SMARCAL1: variants seen among roughly 807,000 people sequenced by gnomAD.
SMARCAL1 encodes the protein SNF2 related chromatin remodeling annealing helicase 1, also known as ATP-driven annealing helicase.
Under a neutral mutation model 94.5 loss-of-function variants are expected in SMARCAL1, and 58 were observed. The observed-to-expected ratio is 0.61, with a 90% CI of 0.50 to 0.76. The LOEUF (loss-of-function observed/expected upper bound fraction) is 0.76. Among genes scored for constraint, SMARCAL1 ranks in the 30% least tolerant of loss-of-function variants. The pLI, the probability that SMARCAL1 is intolerant of heterozygous loss-of-function variation, is 0.00. For missense variants in SMARCAL1, 1,051 were observed against 1,177.9 expected, an observed-to-expected ratio of 0.89 and a Z score of 1.58; for synonymous variants, 422 against 455.1, an observed-to-expected ratio of 0.93 and a Z score of 0.93.
intron 14 of SMARCAL1, 26 bp downstream of exon 14, chr2:216,468,072 G>A: frequency 6.6e-7 from 1 of 1,525,662 alleles, no homozygotes; most frequent in East Asian, 2.3e-5. Flanking sequence ...AATTCACCAT[G>A]GGCTACTTTT....
intron 14 of SMARCAL1, among the ~76,000 whole-genome samples, chr2:216,469,080 A>G (rs1694899817): frequency 6.6e-6 from 1 of 151,948 alleles, no homozygotes; most frequent in African/African-American, 2.4e-5. Flanking sequence ...TTCCCCTTCC[A>G]TCTCTCCAGC....
chr2:216,448,279 C>G (rs1330255521), intron 11 of SMARCAL1, among the ~76,000 whole-genome samples: 1 of 152,154 alleles, frequency 6.6e-6, no homozygotes, highest in Admixed American at 6.5e-5. Context: ...TTTTCATGGT[C>G]CCTCAAAACT....
At chr2:216,427,747 G>T (rs1693867072) in intron 6 of SMARCAL1, among the ~76,000 whole-genome samples, 1 of 152,210 alleles carries the variant, frequency 6.6e-6, no homozygotes, top group Non-Finnish European at 1.5e-5. Flanking sequence ...GGAGGTAGCA[G>T]TAGATGGCTC....
At chr2:216,416,378 T>G (rs1003215783) in intron 4 of SMARCAL1, 71 bp downstream of exon 4, 13 of 1,327,014 alleles carry the variant, frequency 9.8e-6, no homozygotes, top group Non-Finnish European at 1.4e-5. Flanking sequence ...TCACATGTAG[T>G]CCAGCTTATG....
chr2:216,475,532 A>G lies in SMARCAL1; in HGVS notation c.2427+81A>G. 1 of 1,451,110 alleles carries G rather than the reference A, an allele frequency of 6.9e-7. No individual in the cohort carries two copies. The highest frequency in any genetic ancestry group is 9.7e-7 in the Non-Finnish European group (1 of 1,032,312). The allele number at this position is 1,451,110 out of a possible 1,614,324, so 89.9% of individuals were successfully genotyped here. On this transcript the variant is annotated intron_variant, in intron 15 of 17. Transcript: ENST00000357276. The surrounding 1 kb of genome is among the most constrained non-coding windows in gnomAD (Gnocchi z 4.4). Reference sequence around the variant, plus strand: ...GAAGCAGTGAGTGTCGGTCGGGGAAAGTGTGGTTTCCCTTTTATCCATTCA... The same window carrying G: ...GAAGCAGTGAGTGTCGGTCGGGGAAGGTGTGGTTTCCCTTTTATCCATTCA...
chr2:216,446,651 A>G, intron 10 of SMARCAL1: 1 of 467,554 alleles, frequency 2.1e-6, no homozygotes, highest in Non-Finnish European at 4.3e-6. Context: ...TTCCTTGTGA[A>G]TTTTTTGCAG....
Position 216,414,733 on chromosome 2 carries a change from G to C in SMARCAL1, c.29G>C (p.Arg10Thr), listed in dbSNP as rs775840273. MSLPLTEEQ[R>T]KKIEENRQKA... ...TCCTTGCCTCTTACAGAGGAGCAGA[G>C]GAAAAAGATTGAAGAGAATCGACAA... Residue 10 changes from arginine (R) to threonine (T), a missense_variant, in exon 3 of 18, where the codon AGG (arginine) becomes ACG (threonine). Transcript: ENST00000357276. 1.9e-6 allele frequency: 3 copies of C among 1,614,230 alleles called. No homozygotes were observed. The highest frequency in any genetic ancestry group is 2.5e-6 in the Non-Finnish European group (3 of 1,180,050).
At chr2:216,444,070 T>C (rs1198470564) in intron 10 of SMARCAL1, among the ~76,000 whole-genome samples, 1 of 152,230 alleles carries the variant, frequency 6.6e-6, no homozygotes, top group East Asian at 1.9e-4. Context: ...ACTATCCTTA[T>C]TTCTGAAGAT....
intron 17 of SMARCAL1, among the ~76,000 whole-genome samples, chr2:216,479,934 C>T (rs1695161891): frequency 6.6e-6 from 1 of 152,110 alleles, no homozygotes; most frequent in Non-Finnish European, 1.5e-5. Context: ...TGCCTGTATT[C>T]CCAGCTACTC....
At chr2:216,467,330 G>T (rs1234552999) in intron 13 of SMARCAL1, among the ~76,000 whole-genome samples, 1 of 151,850 alleles carries the variant, frequency 6.6e-6, no homozygotes, top group African/African-American at 2.4e-5. Flanking sequence ...AATTAGCTGG[G>T]CGTTGTGGTA....
intron 13 of SMARCAL1, among the ~76,000 whole-genome samples, chr2:216,467,462 C>T (rs1401861840): frequency 8.0e-6 from 1 of 124,580 alleles, no homozygotes; most frequent in Non-Finnish European, 1.6e-5. Flanking sequence ...CAGAGCGAAA[C>T]TCAGTCTCAA....
At chr2:216,451,144 T>G in intron 12 of SMARCAL1, 80 bp downstream of exon 12, 1 of 1,136,070 alleles carries the variant, frequency 8.8e-7, no homozygotes, top group Admixed American at 1.9e-5. Flanking sequence ...GAAAATGACC[T>G]GGCATTCTCT....
Position 216,451,001 on chromosome 2 carries a change from C to G in SMARCAL1, c.2007C>G (p.Ile669Met). The change falls in exon 12 of 18, where the codon ATC becomes ATG. Residue 669 changes from isoleucine to methionine, a missense_variant. Transcript: ENST00000357276. ...TAGTGGTGATTGCCCCAGGACGGAT[C>G]AATGCCAGGACCAGAGCTGCCCTGG... ...RKIVVIAPGRINARTRAALDA... is the reference protein window; with the variant it reads ...RKIVVIAPGRMNARTRAALDA... 6.2e-7 allele frequency: 1 copy of G among 1,614,218 alleles called. No homozygotes were observed. The highest frequency in any genetic ancestry group is 8.5e-7 in the Non-Finnish European group (1 of 1,180,030).
chr2:216,471,132 G>A (rs1694957234), intron 14 of SMARCAL1, among the ~76,000 whole-genome samples: 1 of 151,918 alleles, frequency 6.6e-6, no homozygotes, highest in African/African-American at 2.4e-5. Flanking sequence ...TTGGGGGGTG[G>A]GAGGGTAGAT....
At chr2:216,449,337 A>G (rs770077082) in intron 11 of SMARCAL1, among the ~76,000 whole-genome samples, 11 of 152,116 alleles carry the variant, frequency 7.2e-5, no homozygotes, top group Non-Finnish European at 1.5e-4. Context: ...ACTTGTTCTC[A>G]GCATGGTTTT....
In SMARCAL1 at chr2:216,475,993, C is replaced by T. The variant is rs1287384349; in HGVS notation, c.2427+542C>T. The stretch of plus-strand genomic sequence containing the variant: ...GCACCAGGTTGCAGCCCAGGCCTCA[C>T]GTTCCAGCCTGTGCCCCCTTTAGTA... On this transcript the variant is annotated intron_variant, in intron 15 of 17. Transcript: ENST00000357276. The surrounding 1 kb of genome is among the most constrained non-coding windows in gnomAD (Gnocchi z 4.4). Among the ~76,000 whole-genome samples, 2 of 152,010 alleles carry T rather than the reference C, an allele frequency of 1.3e-5. No homozygotes were observed. The highest frequency in any genetic ancestry group is 1.9e-4 in the East Asian group (1 of 5,176).
intron 2 of SMARCAL1, 70 bp from the exon 3 acceptor site, chr2:216,414,576 TA>T: frequency 1.2e-6 from 1 of 826,176 alleles, no homozygotes; most frequent in Non-Finnish European, 2.0e-6. Context: ...AAAAGCTTGT[TA>T]AAATCATGGT....
intron 10 of SMARCAL1, 109 bp downstream of exon 10, chr2:216,438,594 G>A: frequency 1.1e-6 from 1 of 903,392 alleles, no homozygotes; most frequent in Non-Finnish European, 1.8e-6. Flanking sequence ...AGACCTGTGG[G>A]CCATGGTCAT....
intron 14 of SMARCAL1, among the ~76,000 whole-genome samples, chr2:216,474,305 A>G (rs1298824052): frequency 6.7e-6 from 1 of 149,384 alleles, no homozygotes; most frequent in East Asian, 2.0e-4. Flanking sequence ...ACATCTGGCT[A>G]ATTTTTGTAT....
Sources: gnomAD v4.1 joint callset for allele counts (sites outside exome capture counted in the v4.1 genomes callset) on GRCh38, gnomAD v4.1.1 for gene constraint, Gnocchi (gnomAD v3.1) non-coding constraint, MANE v1.5 for transcripts, NCBI Gene and HGNC (gene_info 2026-07-23, HGNC 2026-07-21) for gene names.